The following COL6A5 variants were observed in gnomAD, a reference collection of about 807,000 sequenced individuals.
COL6A5 encodes the protein collagen alpha-5(VI) chain.
In COL6A5, 48 loss-of-function variants were observed where a neutral mutation model predicts 65.6. The ratio of observed to expected loss-of-function variants is 0.73; its 90% confidence interval spans 0.58 to 0.93. The LOEUF is 0.93. COL6A5 is among the 40% of genes least tolerant of loss of function. The pLI is 0.00. For synonymous variants in COL6A5, 291 were observed against 322.8 expected, an observed-to-expected ratio of 0.90 and a Z score of 1.05; for missense variants, 914 against 928.3, an observed-to-expected ratio of 0.98 and a Z score of 0.20.
At chr3:130,475,007 C>CAAAA (rs57263258) in intron 7 of COL6A5, among the ~76,000 whole-genome samples, 8 of 65,046 alleles carry the variant, frequency 1.2e-4, no homozygotes, top group African/African-American at 3.6e-4. Context: ...ACCATGTCTC[C>CAAAA]AAAAAAAAAA....
At chr3:130,372,608 C>T (rs1478640630) in intron 1 of COL6A5, among the ~76,000 whole-genome samples, 4 of 152,058 alleles carry the variant, frequency 2.6e-5, no homozygotes, top group Non-Finnish European at 2.9e-5. Flanking sequence ...TACAAAATGT[C>T]CAGAATAGGC....
At chr3:130,348,612 A>T (rs1436587592) in intron 1 of COL6A5, among the ~76,000 whole-genome samples, 1 of 152,210 alleles carries the variant, frequency 6.6e-6, no homozygotes, top group Non-Finnish European at 1.5e-5. Context: ...TAGTAGAATG[A>T]TTTATAATCC....
intron 1 of COL6A5, among the ~76,000 whole-genome samples, chr3:130,367,962 G>T (rs1299186601): frequency 6.6e-6 from 1 of 152,110 alleles, no homozygotes; most frequent in African/African-American, 2.4e-5. Context: ...GTTTTTTCTA[G>T]CCAGGCAAGA....
chr3:130,440,314 C>G lies in COL6A5; in HGVS notation c.732C>G (p.Asn244Lys), dbSNP rs768578124. ...CCTTGGTGAGCTCAGTGATTGACAACTTCAACATTGCTTCAGACCCTTTAA... is the reference window on the plus strand; with the variant it reads ...CCTTGGTGAGCTCAGTGATTGACAAGTTCAACATTGCTTCAGACCCTTTAA... Residue 244 changes from asparagine to lysine, a missense_variant, in exon 3 of 8, where the codon AAC becomes AAG. Transcript: ENST00000512836. 20 of 1,613,236 alleles carry G rather than the reference C, an allele frequency of 1.2e-5. No individual in the cohort carries two copies. In the Admixed American group the frequency reaches 3.0e-4, roughly 24 times the overall value.
chr3:130,429,791 G>T (rs1437899321), upstream of COL6A5, among the ~76,000 whole-genome samples: 1 of 152,132 alleles, frequency 6.6e-6, no homozygotes, highest in Non-Finnish European at 1.5e-5. Flanking sequence ...CCTAGCCTGG[G>T]ACCCATCACA....
intron 20 of COL6A5, among the ~76,000 whole-genome samples, chr3:130,412,841 G>A (rs1403869088): frequency 1.3e-5 from 2 of 152,126 alleles, no homozygotes; most frequent in African/African-American, 4.8e-5. Context: ...GTGGGCAGTT[G>A]AAAGAAAACA....
chr3:130,367,570 G>A (rs1376058159), intron 1 of COL6A5, among the ~76,000 whole-genome samples: 10 of 152,158 alleles, frequency 6.6e-5, no homozygotes, highest in Admixed American at 6.5e-4. Context: ...AGAATGGGAG[G>A]TGGACATGTA....
exon 5 of COL6A5, chr3:130,384,876 T>C: frequency 6.4e-7 from 1 of 1,550,832 alleles, no homozygotes; most frequent in Non-Finnish European, 8.7e-7. Flanking sequence ...GAGAAACAGT[T>C]TGAGCAAATC....
intron 1 of COL6A5, among the ~76,000 whole-genome samples, chr3:130,371,592 A>G (rs1935562532): frequency 6.6e-6 from 1 of 151,198 alleles, no homozygotes; most frequent in South Asian, 2.1e-4. Context: ...CTTTTCAACA[A>G]ATGGTACTAG....
chr3:130,403,434 C>T (rs1936878442), intron 12 of COL6A5, among the ~76,000 whole-genome samples, 175 bp from the exon 13 acceptor site: 1 of 152,106 alleles, frequency 6.6e-6, no homozygotes, highest in African/African-American at 2.4e-5. Context: ...GAGCTGAGTG[C>T]AAGGACAAAA....
chr3:130,469,308 G>A, exon 6 of COL6A5: 1 of 1,612,980 alleles, frequency 6.2e-7, no homozygotes, highest in East Asian at 2.2e-5. Context: ...AGAGCCAAGT[G>A]TCAAGGCTAC....
chr3:130,465,031 A>C (rs1709781926), intron 5 of COL6A5, among the ~76,000 whole-genome samples: 1 of 152,106 alleles, frequency 6.6e-6, no homozygotes, highest in Admixed American at 6.6e-5. Context: ...AAAACATTTG[A>C]AATAACAACT....
chr3:130,474,558 A>C (rs1710041572), intron 7 of COL6A5, among the ~76,000 whole-genome samples: 1 of 152,098 alleles, frequency 6.6e-6, no homozygotes, highest in African/African-American at 2.4e-5. Flanking sequence ...AAGGTAAATA[A>C]CTTGAAATGA....
At chr3:130,385,761 G>A (rs1936165239) in intron 5 of COL6A5, among the ~76,000 whole-genome samples, 1 of 151,962 alleles carries the variant, frequency 6.6e-6, no homozygotes, top group Admixed American at 6.6e-5. Context: ...GAAGGAAAAT[G>A]GACTTTGGCT....
chr3:130,443,497 C>T (rs369119499), exon 4 of COL6A5: 3 of 1,610,444 alleles, frequency 1.9e-6, no homozygotes, highest in Middle Eastern at 1.7e-4. Context: ...CAGTACCCAC[C>T]ACCGATGCTT....
At chr3:130,423,944 G>A in intron 29 of COL6A5, 44 bp downstream of exon 29, 1 of 1,420,514 alleles carries the variant, frequency 7.0e-7, no homozygotes. Flanking sequence ...GTAGTTTCCA[G>A]TATGTTCCAT....
intron 3 of COL6A5, 73 bp downstream of exon 3, chr3:130,376,909 A>G (rs1319813217): frequency 2.1e-6 from 3 of 1,428,670 alleles, no homozygotes; most frequent in African/African-American, 1.4e-5. Flanking sequence ...CACCTCTTGC[A>G]ACTCATGTTA....
chr3:130,439,470 C>A (rs916303302), intron 1 of COL6A5, 52 bp from the exon 34 acceptor site: 1 of 1,349,346 alleles, frequency 7.4e-7, no homozygotes, highest in Non-Finnish European at 1.0e-6. Context: ...TGGTTTCCTA[C>A]TAGTGACTAA....
At chr3:130,469,354 T>C (rs1268258152) in exon 6 of COL6A5, 1 of 1,612,900 alleles carries the variant, frequency 6.2e-7, no homozygotes. Context: ...CTAAACACAA[T>C]GACAAAGAAT....
Sources: gnomAD v4.1 joint callset for allele counts (sites outside exome capture counted in the v4.1 genomes callset) on GRCh38, gnomAD v4.1.1 for gene constraint, MANE v1.5 for transcripts, NCBI Gene and HGNC (gene_info 2026-07-23, HGNC 2026-07-21) for gene names.